The following HFM1 variants were observed in gnomAD, a reference collection of about 807,000 sequenced individuals.
The protein encoded by HFM1 is helicase for meiosis 1, also known as probable ATP-dependent DNA helicase HFM1.
HFM1 carries 169 observed loss-of-function variants against 192.1 expected under a neutral mutation model. The ratio of observed to expected loss-of-function variants is 0.88; its 90% confidence interval spans 0.78 to 1.00. The LOEUF (loss-of-function observed/expected upper bound fraction) is 1.00. Among genes scored for constraint, HFM1 ranks in the 50% least tolerant of loss-of-function variants. The pLI, the probability that HFM1 is intolerant of heterozygous loss-of-function variation, is 0.00. For synonymous variants in HFM1, 525 were observed against 537.8 expected (o/e 0.98, Z 0.33); for missense variants, 1,661 against 1,668.0 (o/e 1.00, Z 0.07).
intron 4 of HFM1, among the ~76,000 whole-genome samples, chr1:91,387,297 A>G (rs1662331347): frequency 6.6e-6 from 1 of 152,014 alleles, no homozygotes; most frequent in African/African-American, 2.4e-5. Context: ...TGATAGGAAG[A>G]GCCGACATCG....
At chr1:91,314,126 G>T in intron 28 of HFM1, 66 bp from the exon 29 acceptor site, 1 of 953,398 alleles carries the variant, frequency 1.0e-6, no homozygotes, top group Non-Finnish European at 1.6e-6. Flanking sequence ...ATCTTGAAGG[G>T]CTGATTGTTC....
intron 9 of HFM1, 56 bp from the exon 10 acceptor site, chr1:91,378,536 T>A (rs1482919130): frequency 2.1e-5 from 22 of 1,045,280 alleles, no homozygotes; most frequent in Non-Finnish European, 2.9e-6. Flanking sequence ...TTATAATAAA[T>A]ATTAAGATAT....
At chr1:91,267,469 G>GA (rs1196685975) in intron 35 of HFM1, among the ~76,000 whole-genome samples, 1 of 152,038 alleles carries the variant, frequency 6.6e-6, no homozygotes, top group Non-Finnish European at 1.5e-5. Flanking sequence ...TAAACAATTT[G>GA]AATTTGACTT....
chr1:91,321,359 G>A (rs1480351337), intron 23 of HFM1, among the ~76,000 whole-genome samples: 3 of 152,104 alleles, frequency 2.0e-5, no homozygotes, highest in Non-Finnish European at 2.9e-5. Context: ...CAGGAGAATC[G>A]CTTGAGCCCG....
At position 91,387,741 on chromosome 1, in the gene HFM1, G is replaced by A. The variant is rs1218022818; in HGVS notation, c.495-1907C>T. Reference sequence around the variant, plus strand: ...TGAGATCACATGGACACAGGAAGGGGAATATCACACTCTGGGGACTGTGGT... The same window carrying A: ...TGAGATCACATGGACACAGGAAGGGAAATATCACACTCTGGGGACTGTGGT... On this transcript the variant is annotated intron_variant, in intron 4 of 38. Coordinates refer to ENST00000370425, the MANE Select transcript of HFM1 (RefSeq NM_001017975.6). 7.9e-5 allele frequency among the ~76,000 whole-genome samples: 10 copies of A among 126,054 alleles called. No homozygotes were observed. In the East Asian group the frequency reaches 2.2e-3, roughly 28 times the overall value. 82.7% of individuals were successfully genotyped at this position (126,054 alleles called of 152,430 possible).
intron 20 of HFM1, among the ~76,000 whole-genome samples, chr1:91,325,570 C>A (rs916437590): frequency 2.0e-5 from 3 of 152,168 alleles, no homozygotes; most frequent in African/African-American, 7.2e-5. Context: ...GGTAGGTCTA[C>A]GAATCTGCAA....
At chr1:91,289,360 C>T (rs565498753) in intron 30 of HFM1, among the ~76,000 whole-genome samples, 28 of 151,614 alleles carry the variant, frequency 1.8e-4, no homozygotes, top group South Asian at 4.2e-4. Flanking sequence ...CAGGAAGAGA[C>T]GCTCCTCACT....
In HFM1 at chr1:91,375,412, G is replaced by A; in HGVS notation, c.1631C>T (p.Ala544Val). 3 of 1,613,044 alleles carry A rather than the reference G, an allele frequency of 1.9e-6. No homozygotes were observed. Among genetic ancestry groups the A allele is most frequent in the Non-Finnish European group, 2.5e-6 (3 of 1,179,338 alleles). The change falls in exon 13 of 39, where the codon GCT becomes GTT. Residue 544 changes from alanine (A) to valine (V), a missense_variant. Ala to Val is a moderately conservative substitution (Grantham distance 64). Coordinates refer to ENST00000370425, the MANE Select transcript of HFM1 (RefSeq NM_001017975.6). ...TTTAGCATCTTTCACAAGAACAGAA[G>A]CAGCCTGTTGCACACCCTTCCTTGT... Reference protein sequence around the residue: ...CATRKGVQQAASVLVKDAKFI... With the variant: ...CATRKGVQQAVSVLVKDAKFI...
intron 30 of HFM1, among the ~76,000 whole-genome samples, chr1:91,308,271 T>C (rs747873373): frequency 6.6e-5 from 10 of 152,184 alleles, no homozygotes; most frequent in Non-Finnish European, 1.3e-4. Context: ...CTTTGTGTTC[T>C]TTCCATTCTC....
chr1:91,323,318 A>G (rs778833908), intron 21 of HFM1, 119 bp from the exon 22 acceptor site: 68 of 640,260 alleles, frequency 1.1e-4, no homozygotes, highest in Non-Finnish European at 1.4e-4. Flanking sequence ...ATCAATGAAC[A>G]TAACAGAGTT....
At chr1:91,338,996 G>C (rs1419557069) in intron 20 of HFM1, 1 of 455,596 alleles carries the variant, frequency 2.2e-6, no homozygotes, top group Non-Finnish European at 4.4e-6. Flanking sequence ...TGCAGCCCAG[G>C]AGCACTGAGC....
chr1:91,293,039 T>C (rs1269020623), intron 30 of HFM1, among the ~76,000 whole-genome samples: 1 of 152,110 alleles, frequency 6.6e-6, no homozygotes, highest in Non-Finnish European at 1.5e-5. Context: ...TTACACCTTA[T>C]ACAAAAATTA....
At position 91,315,811 on chromosome 1, in the gene HFM1, T is replaced by G. The variant is rs1651105739; in HGVS notation, c.3140+4A>C. 1.3e-6 allele frequency: 2 copies of G among 1,587,430 alleles called. No individual in the cohort carries two copies. Among genetic ancestry groups the G allele is most frequent in the Admixed American group, 1.8e-5 (1 of 56,132 alleles). On this transcript the variant is annotated splice_donor_region_variant and intron_variant, in intron 28 of 38. Coordinates refer to ENST00000370425, the MANE Select transcript of HFM1 (RefSeq NM_001017975.6). ...AGATCAAACATCAGAAATTTCACAC[T>G]TACGTAATCTTGTGCAGATAAACTA...
chr1:91,375,547 C>A lies in HFM1; in HGVS notation c.1576G>T (p.Asp526Tyr), dbSNP rs778803357. The change falls in exon 12 of 39, where the codon GAT becomes TAT. Residue 526 changes from aspartate (D) to tyrosine (Y), a missense_variant. Transcript: ENST00000370425. ...CATACCACAAGTGTGGGTTTCTGAT[C>A]AGAGTACATTTGTATAACACTGGCA... ...KIASVIQMYS[D>Y]QKPTLVFCAT... 1.9e-6 allele frequency: 3 copies of A among 1,613,272 alleles called. No individual in the cohort carries two copies. Among genetic ancestry groups the A allele is most frequent in the Admixed American group, 3.3e-5 (2 of 59,900 alleles).
At position 91,380,252 on chromosome 1, in the gene HFM1, T is replaced by G. The variant is rs775860222; in HGVS notation, c.874-16A>C. ...TGTAAAGAAGCTAAAAAATAAAAAG[T>G]AATCAATCATGTAACATATAGACTT... On this transcript the variant is annotated splice_polypyrimidine_tract_variant and intron_variant, in intron 7 of 38. Coordinates refer to ENST00000370425, the MANE Select transcript of HFM1 (RefSeq NM_001017975.6). 4.1e-6 allele frequency: 6 copies of G among 1,466,980 alleles called. No homozygotes were observed. The highest frequency in any genetic ancestry group is 5.5e-6 in the Non-Finnish European group (6 of 1,090,190). 90.9% of individuals were successfully genotyped at this position (1,466,980 alleles called of 1,614,324 possible). A position where few individuals can be genotyped will look rare whatever the true frequency, so the allele number is the denominator to read the frequency against.
rs1663317030 is a variant in HFM1 at position 91,393,939 on chromosome 1, A to G, written c.494+154T>C. On this transcript the variant is annotated intron_variant, in intron 4 of 38. Transcript: ENST00000370425. The stretch of plus-strand genomic sequence containing the variant: ...GGTTATTTTTATGTGTAGGACCAGG[A>G]CTATGACACCAGGAATGGAGAAAGT... Among the ~76,000 whole-genome samples the G allele has an allele frequency of 1.3e-5, 2 of 152,120 alleles. 1 individual carries two copies. Among genetic ancestry groups the G allele is most frequent in the South Asian group, 4.1e-4 (2 of 4,828 alleles).
At chr1:91,295,931 TTTTC>T (rs1487419480) in intron 30 of HFM1, among the ~76,000 whole-genome samples, 5 of 152,134 alleles carry the variant, frequency 3.3e-5, no homozygotes, top group East Asian at 1.9e-4. Context: ...ACATACAATT[TTTTC>T]TTTCTTTTTT....
chr1:91,327,976 A>G (rs1653164936), intron 20 of HFM1, among the ~76,000 whole-genome samples: 1 of 152,212 alleles, frequency 6.6e-6, no homozygotes. Flanking sequence ...AGTAGTATGA[A>G]GAGGAAAGTT....
intron 4 of HFM1, among the ~76,000 whole-genome samples, chr1:91,389,726 A>G (rs139278554): frequency 3.0e-4 from 46 of 152,314 alleles, no homozygotes; most frequent in African/African-American, 1.0e-3. Context: ...AAAATAACTA[A>G]GACAATTAGT....
Sources: gnomAD v4.1 joint callset for allele counts (sites outside exome capture counted in the v4.1 genomes callset) on GRCh38, gnomAD v4.1.1 for gene constraint, MANE v1.5 for transcripts, NCBI Gene and HGNC (gene_info 2026-07-23, HGNC 2026-07-21) for gene names.